Variants in KIZ observed in about 807,000 individuals in gnomAD.
KIZ encodes the protein centrosomal protein kizuna.
A neutral mutation model predicts 79.6 loss-of-function variants in KIZ; 68 were observed. That is an observed-to-expected ratio of 0.85 (90% CI 0.70 to 1.05). KIZ has a LOEUF of 1.05. Among genes scored for constraint, KIZ ranks in the 50% least tolerant of loss-of-function variants. KIZ has a pLI of 0.00. For missense variants in KIZ, 797 were observed against 800.4 expected, an observed-to-expected ratio of 1.00 and a Z score of 0.05; for synonymous variants, 280 against 281.8, an observed-to-expected ratio of 0.99 and a Z score of 0.06.
chr20:21,199,967 C>T (rs1341385995), intron 6 of KIZ, among the ~76,000 whole-genome samples: 1 of 152,112 alleles, frequency 6.6e-6, no homozygotes, highest in Non-Finnish European at 1.5e-5. Context: ...TACAGGTGTG[C>T]ACTTCCACAA....
chr20:21,134,680 T>TC (rs759879703), intron 2 of KIZ, among the ~76,000 whole-genome samples: 214 of 147,050 alleles, frequency 1.5e-3, no homozygotes, highest in Admixed American at 2.2e-3. Flanking sequence ...TTTTTTTTTT[T>TC]CCCCAAGACA....
At chr20:21,226,365 T>G (rs959577810) in intron 9 of KIZ, 8 of 152,372 alleles carry the variant, frequency 5.3e-5, no homozygotes, top group African/African-American at 1.9e-4. Flanking sequence ...GTTTGCAATA[T>G]CTGAACTTTC....
At chr20:21,184,348 A>G (rs949365010) in intron 6 of KIZ, among the ~76,000 whole-genome samples, 1 of 152,046 alleles carries the variant, frequency 6.6e-6, no homozygotes, top group South Asian at 2.1e-4. Flanking sequence ...ACGGGGTTTC[A>G]CTGTGTTAGC....
chr20:21,191,596 T>C (rs1192474584), intron 6 of KIZ, among the ~76,000 whole-genome samples: 1 of 152,240 alleles, frequency 6.6e-6, no homozygotes, highest in Non-Finnish European at 1.5e-5. Flanking sequence ...AGTGACTGGA[T>C]GCTCATTGAT....
intron 10 of KIZ, among the ~76,000 whole-genome samples, chr20:21,230,747 T>C (rs2036808117): frequency 6.6e-6 from 1 of 152,146 alleles, no homozygotes; most frequent in South Asian, 2.1e-4. Flanking sequence ...CATTGTAGTT[T>C]ATTGAGTTAT....
Position 21,162,222 on chromosome 20 carries a change from G to C in KIZ, c.757G>C (p.Glu253Gln). 6.2e-7 allele frequency: 1 copy of C among 1,613,848 alleles called. No individual in the cohort carries two copies. The highest frequency in any genetic ancestry group is 8.5e-7 in the Non-Finnish European group (1 of 1,179,852). Reference sequence around the variant, plus strand: ...TGAGGAGGAACAAACTCATTGCTTGGAGATAGGAAGTAACACACGTCATGG... The same window carrying C: ...TGAGGAGGAACAAACTCATTGCTTGCAGATAGGAAGTAACACACGTCATGG... ...LSEEEQTHCL[E>Q]IGSNTRHGKS... Residue 253 changes from glutamate (E) to glutamine (Q), a missense_variant, in exon 5 of 13, where the codon GAG becomes CAG. By Grantham distance (29) the Glu-to-Gln change is conservative. Transcript: ENST00000619189.
At chr20:21,216,133 CAAGACCTATT>C (rs2036281838) in intron 9 of KIZ, among the ~76,000 whole-genome samples, 1 of 152,202 alleles carries the variant, frequency 6.6e-6, no homozygotes, top group East Asian at 1.9e-4. Context: ...CGGGCTTCAT[CAAGACCTATT>C]AAGATTTCTG....
At chr20:21,150,876 C>T (rs1386713636) in intron 4 of KIZ, 1 of 152,246 alleles carries the variant, frequency 6.6e-6, no homozygotes, top group African/African-American at 2.4e-5. Flanking sequence ...GGGCTGCTCT[C>T]TGAGTGAAGG....
intron 7 of KIZ, among the ~76,000 whole-genome samples, chr20:21,213,266 G>A (rs1006741859): frequency 1.1e-4 from 16 of 149,954 alleles, no homozygotes; most frequent in South Asian, 2.1e-4. Flanking sequence ...CCTTCTTACC[G>A]GGCCTTCCGT....
intron 8 of KIZ, 69 bp from the exon 9 acceptor site, chr20:21,215,514 G>A (rs2036250210): frequency 5.8e-6 from 5 of 864,184 alleles, no homozygotes; most frequent in East Asian, 2.7e-5. Context: ...TAAAGGGAAG[G>A]ACAAACACCC....
In KIZ at chr20:21,215,612, A is replaced by G. The variant is rs185109776; in HGVS notation, c.1642A>G (p.Lys548Glu). 16 of 1,607,334 alleles carry G rather than the reference A, an allele frequency of 1.0e-5. No homozygotes were observed. Among genetic ancestry groups the G allele is most frequent in the East Asian group, 6.7e-5 (3 of 44,798 alleles). The change falls in exon 9 of 13, where the codon AAG becomes GAG. Residue 548 changes from lysine (K) to glutamate (E), a missense_variant. By Grantham distance (56) the Lys-to-Glu change is moderately conservative. Transcript: ENST00000619189. ...EVSSGCGDKS[K>E]KENVAADIPI... ...TTCAAGTGGCTGTGGAGACAAGAGC[A>G]AGAAAGAAAATGTGGCTGCAGATAT...
chr20:21,197,174 C>T (rs1421484579), intron 6 of KIZ: 1 of 152,108 alleles, frequency 6.6e-6, no homozygotes, highest in Non-Finnish European at 1.5e-5. Flanking sequence ...AAGATGGTAA[C>T]TAATCTATTT....
intron 6 of KIZ, chr20:21,166,549 A>T: frequency 8.9e-6 from 13 of 1,463,188 alleles, no homozygotes; most frequent in Admixed American, 1.7e-5. Context: ...TCTTTTCGGC[A>T]TTGTTGATGG....
At chr20:21,198,803 A>G (rs560897049) in intron 6 of KIZ, 2 of 152,638 alleles carry the variant, frequency 1.3e-5, no homozygotes, top group South Asian at 4.1e-4. Context: ...TAGCTTTTCA[A>G]CCTAAGGCAG....
intron 6 of KIZ, chr20:21,166,634 T>C (rs2033954973): frequency 3.1e-6 from 3 of 965,670 alleles, no homozygotes; most frequent in Admixed American, 2.1e-5. Flanking sequence ...TTTTTTTTTT[T>C]TTTTGGAGAG....
chr20:21,235,099 A>C (rs1302737154), intron 11 of KIZ, among the ~76,000 whole-genome samples: 1 of 152,228 alleles, frequency 6.6e-6, no homozygotes, highest in Non-Finnish European at 1.5e-5. Context: ...CCTGTTGAAA[A>C]GCCAGAGAAA....
rs142866298 is a variant in KIZ, at chr20:21,164,286, T to C, written c.1352+1127T>C. 2.0e-3 allele frequency among the ~76,000 whole-genome samples: 299 copies of C among 152,336 alleles called. 2 individuals are homozygous for C. The highest frequency in any genetic ancestry group is 7.9e-3 in the East Asian group (41 of 5,188). The stretch of plus-strand genomic sequence containing the variant: ...TTATGAATAGGCTTTAATTGATAGA[T>C]TGTATCCAAACTGATGTTCAGGAAA... On this transcript the variant is annotated intron_variant, in intron 6 of 12. Coordinates refer to ENST00000619189, the MANE Select transcript of KIZ (RefSeq NM_018474.6).
intron 9 of KIZ, among the ~76,000 whole-genome samples, chr20:21,219,068 TG>T (rs2036407827): frequency 6.6e-6 from 1 of 152,026 alleles, no homozygotes; most frequent in African/African-American, 2.4e-5. Context: ...CACAAGAGGT[TG>T]GGGGTGGGAA....
At chr20:21,232,524 C>T (rs894658336) in intron 10 of KIZ, among the ~76,000 whole-genome samples, 1 of 152,118 alleles carries the variant, frequency 6.6e-6, no homozygotes. Flanking sequence ...GCTTGTGTTT[C>T]GGTATCACAG....
Sources: allele counts gnomAD v4.1 joint callset (sites outside exome capture counted in the v4.1 genomes callset), GRCh38; gene constraint gnomAD v4.1.1; transcripts MANE v1.5; gene names NCBI Gene and HGNC (gene_info 2026-07-23, HGNC 2026-07-21).